The following IFI16 variants were observed in gnomAD, a reference collection of about 807,000 sequenced individuals.
IFI16 encodes the protein gamma-interferon-inducible protein 16.
In IFI16, 49 loss-of-function variants were observed where a neutral mutation model predicts 68.4. The ratio of observed to expected loss-of-function variants is 0.72; its 90% CI spans 0.57 to 0.91. The LOEUF is 0.91. IFI16 is among the 40% of genes least tolerant of loss of function. The pLI, the probability that IFI16 is intolerant of heterozygous loss-of-function variation, is 0.00. For missense variants in IFI16, 878 were observed against 942.9 expected, an observed-to-expected ratio of 0.93 and a Z score of 0.90; for synonymous variants, 307 against 315.0, an observed-to-expected ratio of 0.97 and a Z score of 0.27.
intron 8 of IFI16, among the ~76,000 whole-genome samples, chr1:159,047,843 G>A (rs565187954): frequency 2.0e-5 from 3 of 150,628 alleles, no homozygotes; most frequent in African/African-American, 4.9e-5. Context: ...ATGCTGTTAC[G>A]TATCCTGAAG....
At chr1:159,049,823 T>C (rs1413775937) in intron 9 of IFI16, among the ~76,000 whole-genome samples, 2 of 152,192 alleles carry the variant, frequency 1.3e-5, no homozygotes, top group African/African-American at 2.4e-5. Flanking sequence ...GTTTGTTTAA[T>C]TTTATTTTTC....
At chr1:159,035,344 T>C (rs1654258250) in intron 7 of IFI16, among the ~76,000 whole-genome samples, 1 of 152,226 alleles carries the variant, frequency 6.6e-6, no homozygotes, top group Non-Finnish European at 1.5e-5. Flanking sequence ...ATTTTCTTTG[T>C]GCCTTTTCAG....
chr1:159,048,877 C>G (rs184317803), intron 8 of IFI16, among the ~76,000 whole-genome samples: 1 of 151,124 alleles, frequency 6.6e-6, no homozygotes, highest in African/African-American at 2.4e-5. Context: ...AGCTAAAAAC[C>G]CTGAAAGATT....
chr1:159,020,846 C>T (rs912742268), intron 6 of IFI16, among the ~76,000 whole-genome samples: 2 of 148,824 alleles, frequency 1.3e-5, no homozygotes, highest in Admixed American at 6.7e-5. Flanking sequence ...TAGAAAACGT[C>T]GTGTGTGTGT....
intron 6 of IFI16, among the ~76,000 whole-genome samples, chr1:159,030,636 G>T (rs566667366): frequency 3.0e-4 from 46 of 152,276 alleles, no homozygotes; most frequent in African/African-American, 9.6e-4. Context: ...CTGTGATGTG[G>T]TTCGTCTTCA....
rs1571849202 is a variant in IFI16, at chr1:159,022,129, A to G, written c.1161+1600A>G. Among the ~76,000 whole-genome samples, 4 of 151,798 alleles carry G rather than the reference A, an allele frequency of 2.6e-5. No homozygotes were observed. In the East Asian group the frequency reaches 7.8e-4, roughly 29 times the overall value. ...CAGGCGCCCGCCACCGCCCCCGGCT[A>G]AATTTTTTGTATTTTTAGTAGAGAC... On this transcript the variant is annotated intron_variant, in intron 6 of 11. Transcript: ENST00000295809.
intron 7 of IFI16, among the ~76,000 whole-genome samples, chr1:159,035,968 G>T (rs1000684083): frequency 3.9e-5 from 6 of 152,148 alleles, no homozygotes; most frequent in Admixed American, 3.3e-4. Context: ...AATACTCCAA[G>T]GTACTCTCGT....
At position 159,014,938 on chromosome 1, in the gene IFI16, G is replaced by T. The variant is rs916737506; in HGVS notation, c.258G>T (p.Lys86Asn). 3.7e-5 allele frequency: 59 copies of T among 1,604,154 alleles called. No homozygotes were observed. The highest frequency in any genetic ancestry group is 4.6e-5 in the Non-Finnish European group (54 of 1,176,064). ...EDLAETLKKE[K>N]LKVKGPALSR... is the part of the protein sequence containing the mutation. ...TGGCTGAAACTCTTAAAAAAGAAAA[G>T]TTAAAAGGTAATTGGGAAGAGGGAA... Residue 86 changes from lysine (K) to asparagine (N), a missense_variant, in exon 2 of 12, where the codon AAG (lysine) becomes AAT (asparagine). This residue lies in a region of IFI16 where 443 missense variants were observed against 421.8 expected (regional missense o/e 1.05). Coordinates refer to ENST00000295809, the MANE Select transcript of IFI16 (RefSeq NM_001376587.1).
chr1:159,020,112 A>G (rs1240871369), intron 5 of IFI16, among the ~76,000 whole-genome samples: 1 of 152,202 alleles, frequency 6.6e-6, no homozygotes, highest in South Asian at 2.1e-4. Flanking sequence ...AATTTGGAAG[A>G]AAACTCATTG....
chr1:159,041,860 C>T (rs771180110), intron 7 of IFI16, among the ~76,000 whole-genome samples: 4 of 152,146 alleles, frequency 2.6e-5, no homozygotes, highest in Non-Finnish European at 5.9e-5. Context: ...CATACCTACT[C>T]GTTAATAGTT....
chr1:159,035,683 C>A (rs1000693519), intron 7 of IFI16, among the ~76,000 whole-genome samples: 8 of 152,082 alleles, frequency 5.3e-5, no homozygotes, highest in Admixed American at 2.0e-4. Flanking sequence ...ATAGGGTTTC[C>A]CAAAGATTTT....
intron 5 of IFI16, among the ~76,000 whole-genome samples, chr1:159,019,888 C>G (rs570517469): frequency 7.3e-4 from 111 of 152,282 alleles, no homozygotes; most frequent in Non-Finnish European, 1.2e-3. Context: ...GGAAGAGACT[C>G]AGTAAATGCA....
At chr1:159,014,987 C>T (rs554578422) in intron 2 of IFI16, 42 bp downstream of exon 2, 13 of 1,531,694 alleles carry the variant, frequency 8.5e-6, no homozygotes, top group African/African-American at 8.3e-5. Flanking sequence ...CAACCATCCC[C>T]AAACCCTCCC....
chr1:159,007,320 T>A (rs1045942112), upstream of IFI16, among the ~76,000 whole-genome samples: 1 of 152,216 alleles, frequency 6.6e-6, no homozygotes, highest in African/African-American at 2.4e-5. Flanking sequence ...CTTGTGCTAA[T>A]ATTGTTAAGT....
intron 7 of IFI16, among the ~76,000 whole-genome samples, 159 bp from the exon 8 acceptor site, chr1:159,045,138 T>C (rs1353614743): frequency 6.7e-6 from 1 of 149,456 alleles, no homozygotes; most frequent in African/African-American, 2.5e-5. Context: ...GATAGAAGTA[T>C]CTGAATATGT....
chr1:159,026,392 G>A (rs1015835237), intron 6 of IFI16, among the ~76,000 whole-genome samples: 1 of 151,448 alleles, frequency 6.6e-6, no homozygotes, highest in Non-Finnish European at 1.5e-5. Flanking sequence ...TCTGTCTCCC[G>A]GGTTCAAGCG....
In IFI16 at chr1:159,018,483, T is replaced by C. The variant is rs1283334703; in HGVS notation, c.804T>C (p.Asp268=). ...IIIISDYLEY[D]SLLEVNEEST... ...TCATATCAGATTATTTGGAATATGA[T>C]AGTCTCCTAGAGGTCAATGAAGAAT... is the stretch of plus-strand genomic sequence containing the variant. Residue 268 remains aspartate (D), a synonymous_variant, in exon 5 of 12, where the codon GAT becomes GAC. Transcript: ENST00000295809. The C allele has an allele frequency of 4.3e-6, 7 of 1,613,892 alleles. No individual in the cohort carries two copies. Among genetic ancestry groups the C allele is most frequent in the Non-Finnish European group, 5.9e-6 (7 of 1,179,860 alleles).
chr1:159,040,813 C>T (rs1022423483), intron 7 of IFI16, among the ~76,000 whole-genome samples: 4 of 152,160 alleles, frequency 2.6e-5, no homozygotes, highest in African/African-American at 9.7e-5. Context: ...TTCATTACAA[C>T]CCCATAAATA....
In IFI16 at chr1:159,010,097, G is replaced by A. The variant is rs555109036; in HGVS notation, c.-85G>A. ...TTTATCTCCCCCCTCACACAAATAAGCATTGATTCCTGCATTTCTGAAGAT... is the reference window on the plus strand; with the variant it reads ...TTTATCTCCCCCCTCACACAAATAAACATTGATTCCTGCATTTCTGAAGAT... On this transcript the variant is annotated 5_prime_UTR_variant, in exon 1 of 12. Transcript: ENST00000295809. 2 of 151,504 alleles carry A rather than the reference G, an allele frequency of 1.3e-5. No individual in the cohort carries two copies. Among genetic ancestry groups the A allele is most frequent in the Non-Finnish European group, 2.9e-5 (2 of 68,030 alleles). 9.4% of individuals were successfully genotyped at this position (151,504 alleles called of 1,614,324 possible). A position where few individuals can be genotyped will look rare whatever the true frequency, so the allele number is the denominator to read the frequency against.
Sources: gnomAD v4.1 joint callset for allele counts (sites outside exome capture counted in the v4.1 genomes callset) on GRCh38, gnomAD v4.1.1 for gene constraint, gnomAD v4.1.1 regional missense constraint, MANE v1.5 for transcripts, NCBI Gene and HGNC (gene_info 2026-07-23, HGNC 2026-07-21) for gene names.